KIRREL3: variants seen among roughly 807,000 people sequenced by gnomAD.
KIRREL3 encodes the protein kin of IRRE-like protein 3.
In KIRREL3, 36 loss-of-function variants were observed where a neutral mutation model predicts 89.7. That is an observed-to-expected ratio of 0.40 (90% CI 0.31 to 0.53). The LOEUF (loss-of-function observed/expected upper bound fraction) is 0.53. KIRREL3 is among the 20% of genes least tolerant of loss of function. The pLI, the probability that KIRREL3 is intolerant of heterozygous loss-of-function variation, is 0.49. For missense variants in KIRREL3, 864 were observed against 1,056.6 expected, an observed-to-expected ratio of 0.82 and a Z score of 2.53; for synonymous variants, 445 against 441.4, an observed-to-expected ratio of 1.01 and a Z score of -0.10.
upstream of KIRREL3, among the ~76,000 whole-genome samples, chr11:127,002,247 G>A (rs1290690128): frequency 2.0e-5 from 3 of 149,354 alleles, no homozygotes; most frequent in Middle Eastern, 3.3e-3. Context: ...TGTCTGCTTT[G>A]TTGACTTTTC....
chr11:126,811,695 C>A lies in KIRREL3; in HGVS notation c.55+188760G>T, dbSNP rs1205745549. ...TCTGCCTCCTAGGTTCAAGAGATTA[C>A]TCTGCTTCAGCCTCCCAAGTAGCGG... On this transcript the variant is annotated intron_variant, in intron 1 of 16. Transcript: ENST00000525144. The surrounding 1 kb of genome is among the most constrained non-coding windows in gnomAD (Gnocchi z 4.3). Among the ~76,000 whole-genome samples, 6 of 152,108 alleles carry A rather than the reference C, an allele frequency of 3.9e-5. No homozygotes were observed. Among genetic ancestry groups the A allele is most frequent in the African/African-American group, 1.4e-4 (6 of 41,404 alleles).
Position 126,498,364 on chromosome 11 carries a change from C to T in KIRREL3, c.433+22951G>A, listed in dbSNP as rs1336770792. On this transcript the variant is annotated intron_variant, in intron 4 of 16. Transcript: ENST00000525144. This position sits in a 1 kb window ranked among gnomAD's most constrained non-coding sequence, Gnocchi z 4.3. Reference sequence around the variant, plus strand: ...CATAACATTCCTCAGTAAACAGCAGCCTCTCTTTAATAAGCCAGGCTCTTC... The same window carrying T: ...CATAACATTCCTCAGTAAACAGCAGTCTCTCTTTAATAAGCCAGGCTCTTC... Among the ~76,000 whole-genome samples the T allele has an allele frequency of 6.6e-6, 1 of 152,188 alleles. No homozygotes were observed. Among genetic ancestry groups the T allele is most frequent in the Admixed American group, 6.5e-5 (1 of 15,292 alleles).
chr11:126,439,081 G>T (rs1955464596), intron 11 of KIRREL3, among the ~76,000 whole-genome samples: 11 of 152,214 alleles, frequency 7.2e-5, no homozygotes, highest in Admixed American at 7.2e-4. Context: ...GTTTTAGATG[G>T]ATTTGAGTAC....
Position 126,783,765 on chromosome 11 carries a change from T to C in KIRREL3, c.55+216690A>G, listed in dbSNP as rs1950398898. ...AAAGAAGTAGAGTATAGCTTCCCGC[T>C]CCTTAAGCGTGGGCTGCACATAGTG... On this transcript the variant is annotated intron_variant, in intron 1 of 16. Coordinates refer to ENST00000525144, the MANE Select transcript of KIRREL3 (RefSeq NM_032531.4). This position sits in a 1 kb window ranked among gnomAD's most constrained non-coding sequence, Gnocchi z 4.3. Among the ~76,000 whole-genome samples the C allele has an allele frequency of 6.6e-6, 1 of 152,202 alleles. No individual in the cohort carries two copies. Among genetic ancestry groups the C allele is most frequent in the Non-Finnish European group, 1.5e-5 (1 of 68,040 alleles).
In KIRREL3 at chr11:126,729,933, G is replaced by A. The variant is rs181167931; in HGVS notation, c.56-167021C>T. Among the ~76,000 whole-genome samples the A allele has an allele frequency of 5.4e-4, 82 of 152,186 alleles. No individual in the cohort carries two copies. Among genetic ancestry groups the A allele is most frequent in the Non-Finnish European group, 6.2e-4 (42 of 68,002 alleles). On this transcript the variant is annotated intron_variant, in intron 1 of 16. Transcript: ENST00000525144. The surrounding 1 kb of genome is among the most constrained non-coding windows in gnomAD (Gnocchi z 4.5). ...ACAGTTTTCTGCCCTTCCCTTCCTTGACATTTCTGTGACATTTGGCTCTGT... is the reference window on the plus strand; with the variant it reads ...ACAGTTTTCTGCCCTTCCCTTCCTTAACATTTCTGTGACATTTGGCTCTGT...
At position 126,429,990 on chromosome 11, in the gene KIRREL3, C is replaced by A. The variant is rs1788049511; in HGVS notation, c.1697-702G>T. ...TCTCTATTAAAAATCCAAAAATTAG[C>A]TGGGCGTGGTGGTGGGTGCCTGTAA... is the stretch of plus-strand genomic sequence containing the variant. On this transcript the variant is annotated intron_variant, in intron 14 of 16. Transcript: ENST00000525144. This position sits in a 1 kb window ranked among gnomAD's most constrained non-coding sequence, Gnocchi z 5.2. Among the ~76,000 whole-genome samples, 1 of 151,892 alleles carries A rather than the reference C, an allele frequency of 6.6e-6. No homozygotes were observed. The highest frequency in any genetic ancestry group is 6.6e-5 in the Admixed American group (1 of 15,236).
intron 1 of KIRREL3, among the ~76,000 whole-genome samples, chr11:126,749,077 C>T (rs754619292): frequency 1.3e-5 from 2 of 152,168 alleles, no homozygotes; most frequent in Non-Finnish European, 1.5e-5. Context: ...GTCTGGGCCT[C>T]TGCCCAGTCA....
chr11:126,650,507 C>T (rs896099414), intron 1 of KIRREL3, among the ~76,000 whole-genome samples: 3 of 152,044 alleles, frequency 2.0e-5, no homozygotes, highest in African/African-American at 7.2e-5. Context: ...TTCAAAGTTC[C>T]ACAAATCTCT....
Position 126,970,214 on chromosome 11 carries a change from C to G in KIRREL3, c.55+30241G>C, listed in dbSNP as rs553750749. On this transcript the variant is annotated intron_variant, in intron 1 of 16. Transcript: ENST00000525144. This position sits in a 1 kb window ranked among gnomAD's most constrained non-coding sequence, Gnocchi z 4.4. ...AGCTCAGTTAATTCCACTTAAGACA[C>G]TCTTGTTTCCCCGTATTTTTACTCA... 3.3e-4 allele frequency among the ~76,000 whole-genome samples: 51 copies of G among 152,324 alleles called. No individual in the cohort carries two copies. The highest frequency in any genetic ancestry group is 1.2e-3 in the African/African-American group (49 of 41,580).
intron 1 of KIRREL3, among the ~76,000 whole-genome samples, chr11:126,857,970 C>A (rs1411232992): frequency 6.6e-6 from 1 of 152,160 alleles, no homozygotes; most frequent in Admixed American, 6.5e-5. Context: ...CCACAGGGCT[C>A]AGGGCACAAG....
At chr11:126,670,568 A>C (rs1197284811) in intron 1 of KIRREL3, among the ~76,000 whole-genome samples, 2 of 152,240 alleles carry the variant, frequency 1.3e-5, no homozygotes, top group African/African-American at 4.8e-5. Flanking sequence ...AGAATCTGTA[A>C]GAAAACACCT....
chr11:126,489,438 C>T lies in KIRREL3; in HGVS notation c.434-15972G>A, dbSNP rs187490776. On this transcript the variant is annotated intron_variant, in intron 4 of 16. Transcript: ENST00000525144. The surrounding 1 kb of genome is among the most constrained non-coding windows in gnomAD (Gnocchi z 5.5). The stretch of plus-strand genomic sequence containing the variant: ...CTTCCAGAGGGGATACTTTGGGAGG[C>T]GCAGATCTAGGACACATTGATAAGC... Among the ~76,000 whole-genome samples, 16 of 152,216 alleles carry T rather than the reference C, an allele frequency of 1.1e-4. No homozygotes were observed. The highest frequency in any genetic ancestry group is 1.9e-4 in the East Asian group (1 of 5,176).
rs534568411 is a variant in KIRREL3 at position 126,564,026 on chromosome 11, G to A, written c.56-1114C>T. Among the ~76,000 whole-genome samples the A allele has an allele frequency of 6.6e-6, 1 of 152,324 alleles. No homozygotes were observed. The highest frequency in any genetic ancestry group is 2.4e-5 in the African/African-American group (1 of 41,574). On this transcript the variant is annotated intron_variant, in intron 1 of 16. Coordinates refer to ENST00000525144, the MANE Select transcript of KIRREL3 (RefSeq NM_032531.4). The surrounding 1 kb of genome is among the most constrained non-coding windows in gnomAD (Gnocchi z 7.4). ...GCATAGAAGTCTTACAAATGTGTCA[G>A]CTGCCACAAACTTGGTAAATAGATA...
chr11:126,595,505 C>CTCTTTAG (rs1183111752), intron 1 of KIRREL3, among the ~76,000 whole-genome samples: 4 of 152,216 alleles, frequency 2.6e-5, no homozygotes, highest in Non-Finnish European at 1.5e-5. Context: ...TGATTTGAGC[C>CTCTTTAG]TCTTTAGTTT....
chr11:126,955,077 C>T lies in KIRREL3; in HGVS notation c.55+45378G>A, dbSNP rs866732284. Reference sequence around the variant, plus strand: ...TGGCCTTGCTCTGATGATGTTTGTGCCCTGAAGGCCACATCTGCCTGAGGG... The same window carrying T: ...TGGCCTTGCTCTGATGATGTTTGTGTCCTGAAGGCCACATCTGCCTGAGGG... On this transcript the variant is annotated intron_variant, in intron 1 of 16. Coordinates refer to ENST00000525144, the MANE Select transcript of KIRREL3 (RefSeq NM_032531.4). This position sits in a 1 kb window ranked among gnomAD's most constrained non-coding sequence, Gnocchi z 4.6. 4.7e-4 allele frequency among the ~76,000 whole-genome samples: 72 copies of T among 152,288 alleles called. No individual in the cohort carries two copies. Among genetic ancestry groups the T allele is most frequent in the Middle Eastern group, 6.8e-3 (2 of 294 alleles).
chr11:126,614,505 T>A lies in KIRREL3; in HGVS notation c.56-51593A>T, dbSNP rs552062691. ...AGTGATACTCAGGCCCTTAGATCAATTAAATCAGACTTTCTCATGAGGGTG... is the reference window on the plus strand; with the variant it reads ...AGTGATACTCAGGCCCTTAGATCAAATAAATCAGACTTTCTCATGAGGGTG... On this transcript the variant is annotated intron_variant, in intron 1 of 16. Transcript: ENST00000525144. The surrounding 1 kb of genome is among the most constrained non-coding windows in gnomAD (Gnocchi z 4.6). Among the ~76,000 whole-genome samples, 16 of 152,298 alleles carry A rather than the reference T, an allele frequency of 1.1e-4. No homozygotes were observed. In the East Asian group the frequency reaches 1.9e-3, roughly 18 times the overall value.
In KIRREL3 at chr11:126,793,254, C is replaced by T. The variant is rs184059838; in HGVS notation, c.55+207201G>A. Among the ~76,000 whole-genome samples, 22 of 152,198 alleles carry T rather than the reference C, an allele frequency of 1.4e-4. No homozygotes were observed. In the East Asian group the frequency reaches 2.5e-3, roughly 17 times the overall value. On this transcript the variant is annotated intron_variant, in intron 1 of 16. Coordinates refer to ENST00000525144, the MANE Select transcript of KIRREL3 (RefSeq NM_032531.4). ...GACTCTGGAAGAAAGCCACAGTGCA[C>T]GGGGCTTTCTTGTTGTATTCACTGG...
chr11:126,451,099 ATGTGCATG>A (rs1005255292), intron 7 of KIRREL3, among the ~76,000 whole-genome samples: 6 of 107,796 alleles, frequency 5.6e-5, no homozygotes, highest in African/African-American at 1.5e-4. Context: ...ATATGTGTCC[ATGTGCATG>A]TGTGCATGTG....
rs1948804044 is a variant in KIRREL3 at position 126,736,499 on chromosome 11, T to A, written c.56-173587A>T. ...GCTGGAAGGACCCTCAGAGATCATCTGGGCCGGTGGTTCTCACCTGGGGGC... is the reference window on the plus strand; with the variant it reads ...GCTGGAAGGACCCTCAGAGATCATCAGGGCCGGTGGTTCTCACCTGGGGGC... On this transcript the variant is annotated intron_variant, in intron 1 of 16. Coordinates refer to ENST00000525144, the MANE Select transcript of KIRREL3 (RefSeq NM_032531.4). The surrounding 1 kb of genome is among the most constrained non-coding windows in gnomAD (Gnocchi z 5.0). Among the ~76,000 whole-genome samples, 1 of 152,182 alleles carries A rather than the reference T, an allele frequency of 6.6e-6. No homozygotes were observed. The highest frequency in any genetic ancestry group is 1.5e-5 in the Non-Finnish European group (1 of 68,022).
Sources: allele counts gnomAD v4.1 joint callset (sites outside exome capture counted in the v4.1 genomes callset), GRCh38; gene constraint gnomAD v4.1.1; non-coding constraint Gnocchi (gnomAD v3.1); transcripts MANE v1.5; gene names NCBI Gene and HGNC (gene_info 2026-07-23, HGNC 2026-07-21).